The following DHX36 variants were observed in gnomAD, a reference collection of about 807,000 sequenced individuals.
DHX36 encodes the protein ATP-dependent DNA/RNA helicase DHX36.
A neutral mutation model predicts 139.0 loss-of-function variants in DHX36; 50 were observed. That is an observed-to-expected ratio of 0.36 (90% CI 0.29 to 0.46). DHX36 has a LOEUF of 0.46. Ranked by LOEUF, DHX36 falls within the 20% of genes least tolerant of loss-of-function variation. The pLI is 1.00. For synonymous variants in DHX36, 425 were observed against 401.9 expected (o/e 1.06, Z -0.69); for missense variants, 1,024 against 1,211.3 (o/e 0.85, Z 2.29).
At chr3:154,322,931 T>C (rs1713248809) in intron 1 of DHX36, among the ~76,000 whole-genome samples, 1 of 152,248 alleles carries the variant, frequency 6.6e-6, no homozygotes, top group Non-Finnish European at 1.5e-5. Flanking sequence ...GAAATGGATT[T>C]GTTTTTTAAA....
At chr3:154,321,042 A>G (rs1245870874) in intron 1 of DHX36, among the ~76,000 whole-genome samples, 3 of 152,220 alleles carry the variant, frequency 2.0e-5, no homozygotes, top group Non-Finnish European at 4.4e-5. Context: ...TGTTTCTGAA[A>G]TTATATTAAA....
chr3:154,296,863 G>C (rs551656959), intron 12 of DHX36, among the ~76,000 whole-genome samples: 8 of 152,332 alleles, frequency 5.3e-5, no homozygotes, highest in Non-Finnish European at 1.0e-4. Flanking sequence ...CCAAGCAACT[G>C]ATGTTGCTAA....
intron 12 of DHX36, among the ~76,000 whole-genome samples, chr3:154,298,233 G>A (rs73872804): frequency 0.012 from 1,755 of 152,074 alleles, 31 homozygotes; most frequent in African/African-American, 0.04. Context: ...AAATGATAAC[G>A]TTATATTTTG....
At chr3:154,284,383 G>A (rs1309900931) in intron 19 of DHX36, among the ~76,000 whole-genome samples, 200 bp downstream of exon 19, 1 of 151,944 alleles carries the variant, frequency 6.6e-6, no homozygotes, top group Non-Finnish European at 1.5e-5. Context: ...GTTTCGCCAT[G>A]TTGGCCAGCC....
chr3:154,323,792 C>T (rs891394195), intron 1 of DHX36, among the ~76,000 whole-genome samples: 2 of 152,182 alleles, frequency 1.3e-5, no homozygotes, highest in African/African-American at 4.8e-5. Flanking sequence ...TCGCTATGTG[C>T]TTCTTCACCA....
intron 14 of DHX36, 90 bp from the exon 15 acceptor site, chr3:154,292,784 A>G (rs1372519658): frequency 1.3e-6 from 2 of 1,500,704 alleles, no homozygotes; most frequent in Non-Finnish European, 1.8e-6. Flanking sequence ...TTAACCTATA[A>G]AAGACCAATA....
chr3:154,293,636 T>C (rs935316792), intron 14 of DHX36, 112 bp downstream of exon 14: 6 of 760,312 alleles, frequency 7.9e-6, no homozygotes, highest in Non-Finnish European at 1.3e-5. Context: ...AGGTTTTATT[T>C]TTAATAAATT....
chr3:154,309,118 G>T (rs1045900024), intron 5 of DHX36, among the ~76,000 whole-genome samples: 2 of 151,958 alleles, frequency 1.3e-5, no homozygotes, highest in Admixed American at 6.6e-5. Flanking sequence ...AACCCTAGAG[G>T]TTGAGGCTGC....
intron 8 of DHX36, among the ~76,000 whole-genome samples, chr3:154,304,543 A>C (rs1253560141): frequency 6.6e-6 from 1 of 152,156 alleles, no homozygotes; most frequent in Non-Finnish European, 1.5e-5. Context: ...AAATTATGCA[A>C]ATCTGTGGTT....
rs896247147 is a variant in DHX36 at position 154,291,554 on chromosome 3, G to A, written c.1814+997C>T. The stretch of plus-strand genomic sequence containing the variant: ...GGGTATACTTCTTTGACTAAACCAC[G>A]ATTTTGGTTCAATAGCATCAACTAT... On this transcript the variant is annotated intron_variant, in intron 15 of 24. Transcript: ENST00000496811. Among the ~76,000 whole-genome samples, 7 of 152,110 alleles carry A rather than the reference G, an allele frequency of 4.6e-5. 1 individual carries two copies. Among genetic ancestry groups the A allele is most frequent in the Middle Eastern group, 6.3e-3 (2 of 316 alleles).
intron 5 of DHX36, 81 bp from the exon 6 acceptor site, chr3:154,306,376 T>C (rs355754): frequency 0.41 from 480,933 of 1,171,782 alleles, 99,787 homozygotes; most frequent in East Asian, 0.49. Flanking sequence ...TCTAGGACTG[T>C]TGAAAAATTG....
In DHX36 at chr3:154,276,563, T is replaced by C. The variant is rs1430887231; in HGVS notation, c.2841+184A>G. The C allele has an allele frequency of 6.4e-6, 5 of 785,302 alleles. No individual in the cohort carries two copies. The East Asian group carries it at 8.1e-5, about 13-fold the overall frequency. 48.6% of individuals were successfully genotyped at this position (785,302 alleles called of 1,614,324 possible). On this transcript the variant is annotated intron_variant, in intron 24 of 24. Transcript: ENST00000496811. The stretch of plus-strand genomic sequence containing the variant: ...CACACTGCAATCACACTGAGCCATT[T>C]AGAATGGCTGGTCTGTTACCACCTC...
chr3:154,276,674 CAGTT>C (rs1719158202), intron 24 of DHX36, 69 bp downstream of exon 24: 9 of 1,425,358 alleles, frequency 6.3e-6, no homozygotes, highest in South Asian at 6.1e-5. Context: ...ATCTATTTAA[CAGTT>C]AGAACAAAAC....
Position 154,284,596 on chromosome 3 carries a change from A to G in DHX36, c.2279T>C (p.Val760Ala), listed in dbSNP as rs773671514. 1.2e-6 allele frequency: 2 copies of G among 1,604,976 alleles called. No individual in the cohort carries two copies. Among genetic ancestry groups the G allele is most frequent in the Non-Finnish European group, 1.7e-6 (2 of 1,177,406 alleles). Residue 760 changes from valine to alanine, a missense_variant, in exon 19 of 25, where the codon GTG becomes GCG. Val to Ala is a moderately conservative substitution (Grantham distance 64). This residue lies in a region of DHX36 where 470 missense variants were observed against 616.2 expected (regional missense o/e 0.76). Coordinates refer to ENST00000496811, the MANE Select transcript of DHX36 (RefSeq NM_020865.3). The stretch of plus-strand genomic sequence containing the variant: ...TTTTTTTTTTACCTCAAACGCATTC[A>G]CAACTGTTAAGTGATCACTTCTAGT... ...KDTRSDHLTV[V>A]NAFEGWEEAR...
chr3:154,302,139 C>T (rs1441294364), intron 9 of DHX36, among the ~76,000 whole-genome samples: 1 of 148,392 alleles, frequency 6.7e-6, no homozygotes, highest in East Asian at 2.0e-4. Context: ...GAGTGAAGAA[C>T]ATAGTACCAA....
intron 1 of DHX36, among the ~76,000 whole-genome samples, chr3:154,317,029 T>C (rs1713015102): frequency 6.6e-6 from 1 of 151,836 alleles, no homozygotes; most frequent in Non-Finnish European, 1.5e-5. Flanking sequence ...GGTAAAAGTA[T>C]AAATGGAAAG....
intron 15 of DHX36, among the ~76,000 whole-genome samples, chr3:154,291,747 T>C (rs998750671): frequency 2.0e-5 from 3 of 152,200 alleles, no homozygotes; most frequent in Non-Finnish European, 4.4e-5. Flanking sequence ...GAAAGATTAA[T>C]GGAAATCTCT....
At chr3:154,291,252 CAA>C (rs1269536265) in intron 15 of DHX36, among the ~76,000 whole-genome samples, 4 of 149,852 alleles carry the variant, frequency 2.7e-5, no homozygotes, top group Middle Eastern at 3.5e-3. Flanking sequence ...ATGGAGCCTA[CAA>C]AAGACTGTTT....
chr3:154,321,091 T>C (rs1444003893), intron 1 of DHX36, among the ~76,000 whole-genome samples: 3 of 152,126 alleles, frequency 2.0e-5, no homozygotes, highest in Non-Finnish European at 4.4e-5. Context: ...AACAGAGAAG[T>C]TCAAAAGCAA....
Sources: allele counts gnomAD v4.1 joint callset (sites outside exome capture counted in the v4.1 genomes callset), GRCh38; gene constraint gnomAD v4.1.1; regional missense constraint gnomAD v4.1.1; transcripts MANE v1.5; gene names NCBI Gene and HGNC (gene_info 2026-07-23, HGNC 2026-07-21).